TOM1: variants seen among roughly 807,000 people sequenced by gnomAD.
TOM1 encodes the protein target of Myb protein 1.
TOM1 carries 38 observed loss-of-function variants against 61.3 expected under a neutral mutation model. That is an observed-to-expected ratio of 0.62 (90% confidence interval 0.48 to 0.81). TOM1 has a LOEUF of 0.81. TOM1 is among the 40% of genes least tolerant of loss of function. TOM1 has a pLI of 0.00. For missense variants in TOM1, 591 were observed against 659.6 expected (o/e 0.90, Z 1.14); for synonymous variants, 270 against 268.8 (o/e 1.00, Z -0.04).
intron 1 of TOM1, among the ~76,000 whole-genome samples, chr22:35,307,516 G>T (rs1177555936): frequency 6.6e-6 from 1 of 152,232 alleles, no homozygotes; most frequent in African/African-American, 2.4e-5. Flanking sequence ...CTGGGTTCAG[G>T]TGCCAGCTCC....
intron 3 of TOM1, among the ~76,000 whole-genome samples, chr22:35,322,780 G>T (rs1005625235): frequency 6.6e-6 from 1 of 152,162 alleles, no homozygotes; most frequent in Non-Finnish European, 1.5e-5. Flanking sequence ...GTGCACTGAC[G>T]CCAGTCAGGG....
At chr22:35,343,105 CCACACACACCCACACACACCA>C (rs1930049816) in intron 12 of TOM1, among the ~76,000 whole-genome samples, 1 of 135,104 alleles carries the variant, frequency 7.4e-6, no homozygotes, top group African/African-American at 2.9e-5. Context: ...CACCCATACA[CCACACACACCCACACACACCA>C]CACACACACA....
Position 35,347,131 on chromosome 22 carries a change from G to T in TOM1, c.1401G>T (p.Gly467=). The T allele has an allele frequency of 6.2e-7, 1 of 1,613,140 alleles. No homozygotes were observed. Among genetic ancestry groups the T allele is most frequent in the Non-Finnish European group, 8.5e-7 (1 of 1,179,632 alleles). The change falls in exon 15 of 15, where the codon GGG becomes GGT. Residue 467 remains glycine (G), a synonymous_variant. Transcript: ENST00000449058. Reference sequence around the variant, plus strand: ...ACCTCTCCAGCCCCTCAGCTGAGGGGCCCCCGGGTCCCCCATCTGGCCCAG... The same window carrying T: ...ACCTCTCCAGCCCCTCAGCTGAGGGTCCCCCGGGTCCCCCATCTGGCCCAG... ...LPNLSSPSAE[G]PPGPPSGPAP...
Position 35,333,504 on chromosome 22 carries a change from G to A in TOM1, c.1027+7G>A. 1 of 1,613,874 alleles carries A rather than the reference G, an allele frequency of 6.2e-7. No homozygotes were observed. The highest frequency in any genetic ancestry group is 8.5e-7 in the Non-Finnish European group (1 of 1,179,730). ...TCCCAGCTGGCAGGAATGAGTAAGT[G>A]TGGTTTGGAGGGCTCCAGCTGAGGG... On this transcript the variant is annotated splice_region_variant and intron_variant, in intron 10 of 14. Coordinates refer to ENST00000449058, the MANE Select transcript of TOM1 (RefSeq NM_005488.3).
chr22:35,340,788 G>A (rs562155795), intron 12 of TOM1, among the ~76,000 whole-genome samples: 1 of 152,142 alleles, frequency 6.6e-6, no homozygotes, highest in African/African-American at 2.4e-5. Flanking sequence ...TGTGGAAACC[G>A]TCCAGGCCAG....
chr22:35,308,421 C>G (rs2145615369), intron 1 of TOM1, among the ~76,000 whole-genome samples: 1 of 151,940 alleles, frequency 6.6e-6, no homozygotes, highest in Admixed American at 6.6e-5. Context: ...GTAGCTGGGA[C>G]TACAGGCGCG....
At chr22:35,299,849 G>A (rs567349525), upstream of TOM1, 508 of 1,505,118 alleles carry the variant, frequency 3.4e-4, 6 homozygotes, top group South Asian at 5.6e-3. Flanking sequence ...CGGCCTCCGA[G>A]TGCGTCACGT....
Position 35,323,652 on chromosome 22 carries a change from G to A in TOM1, c.501+22G>A, listed in dbSNP as rs969410393. On this transcript the variant is annotated intron_variant, in intron 5 of 14. Coordinates refer to ENST00000449058, the MANE Select transcript of TOM1 (RefSeq NM_005488.3). This position sits in a 1 kb window ranked among gnomAD's most constrained non-coding sequence, Gnocchi z 4.2. ...GAGGGTGAGAGAACTGCCGTACCGGGAACCAAGGGAAGGGAGGCAGGACTC... is the reference window on the plus strand; with the variant it reads ...GAGGGTGAGAGAACTGCCGTACCGGAAACCAAGGGAAGGGAGGCAGGACTC... The A allele has an allele frequency of 2.5e-6, 4 of 1,613,948 alleles. No individual in the cohort carries two copies. The highest frequency in any genetic ancestry group is 1.6e-4 in the Middle Eastern group (1 of 6,082).
chr22:35,340,559 C>T (rs1929788188), intron 12 of TOM1, among the ~76,000 whole-genome samples: 1 of 152,072 alleles, frequency 6.6e-6, no homozygotes, highest in Non-Finnish European at 1.5e-5. Flanking sequence ...CCAACCTGGG[C>T]AACATGGGGA....
At chr22:35,333,614 C>A in intron 10 of TOM1, 117 bp downstream of exon 10, 1 of 907,122 alleles carries the variant, frequency 1.1e-6, no homozygotes, top group Non-Finnish European at 1.7e-6. Flanking sequence ...CTGGACCCCA[C>A]CTTGCTGGGG....
rs1171904331 is a variant in TOM1, at chr22:35,330,433, G to A, written c.852G>A (p.Leu284=). The change falls in exon 8 of 15, where the codon CTG becomes CTA. Residue 284 remains leucine (L), a synonymous_variant. Coordinates refer to ENST00000449058, the MANE Select transcript of TOM1 (RefSeq NM_005488.3). ...QIANEQLTEE[L]LIVNDNLNNV... ...CCAATGAGCAGCTGACAGAGGAGCT[G>A]CTCATCGTCAATGACAATCTCAACA... 6.2e-7 allele frequency: 1 copy of A among 1,613,540 alleles called. No individual in the cohort carries two copies.
chr22:35,337,176 T>C (rs1006093054), intron 11 of TOM1, among the ~76,000 whole-genome samples: 1 of 152,170 alleles, frequency 6.6e-6, no homozygotes, highest in African/African-American at 2.4e-5. Context: ...GACCTCGTGA[T>C]CCGCGCGCCT....
At chr22:35,307,947 G>A (rs1926472140) in intron 1 of TOM1, among the ~76,000 whole-genome samples, 1 of 152,170 alleles carries the variant, frequency 6.6e-6, no homozygotes, top group Non-Finnish European at 1.5e-5. Context: ...CCTTAGATGA[G>A]ATTAACATTT....
chr22:35,322,342 C>T (rs112705989), intron 3 of TOM1: 34 of 347,434 alleles, frequency 9.8e-5, no homozygotes, highest in African/African-American at 3.3e-4. Context: ...CCCAGGCCTC[C>T]GCGGGGGCAG....
In TOM1 at chr22:35,345,919, T is replaced by C. The variant is rs930708920; in HGVS notation, c.1284+135T>C. 7 of 925,006 alleles carry C rather than the reference T, an allele frequency of 7.6e-6. No individual in the cohort carries two copies. The African/African-American group carries it at 1.1e-4, about 15-fold the overall frequency. The allele number at this position is 925,006 out of a possible 1,614,324, so 57.3% of individuals were successfully genotyped here. ...CAGAGGGGCACACTTAAAGTCCCCA[T>C]CTCCTGCCACCTGCCCACCTTGTGT... On this transcript the variant is annotated intron_variant, in intron 13 of 14. Coordinates refer to ENST00000449058, the MANE Select transcript of TOM1 (RefSeq NM_005488.3).
upstream of TOM1, chr22:35,299,800 G>C: frequency 9.5e-7 from 1 of 1,052,444 alleles, no homozygotes; most frequent in Non-Finnish European, 1.4e-6. Flanking sequence ...GCTTGTGGTC[G>C]AGCTTCGCGG....
intron 12 of TOM1, among the ~76,000 whole-genome samples, chr22:35,342,514 G>A (rs1929953405): frequency 6.6e-6 from 1 of 151,964 alleles, no homozygotes; most frequent in South Asian, 2.1e-4. Flanking sequence ...TCTGACAGCC[G>A]CCTGCCCTGC....
chr22:35,347,381 G>A lies in TOM1; in HGVS notation c.*172G>A, dbSNP rs766028977. The A allele has an allele frequency of 1.6e-6, 1 of 618,560 alleles. No homozygotes were observed. The highest frequency in any genetic ancestry group is 2.7e-6 in the Non-Finnish European group (1 of 373,556). 38.3% of individuals were successfully genotyped at this position (618,560 alleles called of 1,614,324 possible). A position where few individuals can be genotyped will look rare whatever the true frequency, so the allele number is the denominator to read the frequency against. ...CTGTGGCTGGGGGTGTGGAGGCAGTGGGATGAACTGGGGGACAGGTCTGCG... is the reference window on the plus strand; with the variant it reads ...CTGTGGCTGGGGGTGTGGAGGCAGTAGGATGAACTGGGGGACAGGTCTGCG... On this transcript the variant is annotated 3_prime_UTR_variant, in exon 15 of 15. Coordinates refer to ENST00000449058, the MANE Select transcript of TOM1 (RefSeq NM_005488.3).
intron 1 of TOM1, among the ~76,000 whole-genome samples, chr22:35,301,343 T>G (rs983129458): frequency 1.3e-5 from 2 of 152,148 alleles, no homozygotes; most frequent in Non-Finnish European, 2.9e-5. Flanking sequence ...ACACACACGT[T>G]GTTCCTGAGA....
Sources: gnomAD v4.1 joint callset for allele counts (sites outside exome capture counted in the v4.1 genomes callset) on GRCh38, gnomAD v4.1.1 for gene constraint, Gnocchi (gnomAD v3.1) non-coding constraint, MANE v1.5 for transcripts, NCBI Gene and HGNC (gene_info 2026-07-23, HGNC 2026-07-21) for gene names.